The following EYA1 variants were observed in gnomAD, a reference collection of about 807,000 sequenced individuals.
EYA1 encodes the protein protein phosphatase EYA1.
A neutral mutation model predicts 82.0 loss-of-function variants in EYA1; 16 were observed. The observed-to-expected ratio is 0.20, with a 90% CI of 0.13 to 0.30. The LOEUF is 0.30. Among genes scored for constraint, EYA1 ranks in the 10% least tolerant of loss-of-function variants. The pLI is 1.00. For synonymous variants in EYA1, 261 were observed against 264.4 expected, an observed-to-expected ratio of 0.99 and a Z score of 0.12; for missense variants, 633 against 730.7, an observed-to-expected ratio of 0.87 and a Z score of 1.54.
chr8:71,504,334 G>C (rs1455608985), intron 2 of EYA1, among the ~76,000 whole-genome samples: 4 of 152,178 alleles, frequency 2.6e-5, no homozygotes, highest in African/African-American at 9.6e-5. Flanking sequence ...TTATAATCAA[G>C]TGAATTTTAA....
chr8:71,517,592 T>G (rs1813061153), intron 2 of EYA1, among the ~76,000 whole-genome samples: 1 of 151,566 alleles, frequency 6.6e-6, no homozygotes, highest in South Asian at 2.1e-4. Flanking sequence ...TTATTATATA[T>G]AAAGTGAATA....
intron 2 of EYA1, among the ~76,000 whole-genome samples, chr8:71,391,834 T>C (rs1829295848): frequency 1.3e-5 from 2 of 152,170 alleles, no homozygotes; most frequent in Non-Finnish European, 2.9e-5. Flanking sequence ...CTGTTCCTTG[T>C]ATGTAGAGCT....
chr8:71,454,110 G>A (rs1563629917), intron 2 of EYA1, among the ~76,000 whole-genome samples: 1 of 151,970 alleles, frequency 6.6e-6, no homozygotes, highest in Non-Finnish European at 1.5e-5. Context: ...AAAAAAGCAG[G>A]GGTTACAATC....
intron 2 of EYA1, among the ~76,000 whole-genome samples, chr8:71,433,296 C>G (rs370153702): frequency 6.6e-6 from 1 of 152,152 alleles, no homozygotes; most frequent in Non-Finnish European, 1.5e-5. Context: ...AGAACATAAA[C>G]ATTCCAGGAC....
intron 2 of EYA1, among the ~76,000 whole-genome samples, chr8:71,500,716 T>G (rs1423660662): frequency 6.6e-6 from 1 of 152,184 alleles, no homozygotes; most frequent in Non-Finnish European, 1.5e-5. Flanking sequence ...ACCTACATTC[T>G]GCATTTCATT....
At chr8:71,269,691 G>A (rs943276561) in intron 11 of EYA1, 49 bp downstream of exon 11, 20 of 1,274,790 alleles carry the variant, frequency 1.6e-5, no homozygotes, top group Non-Finnish European at 2.2e-5. Context: ...ACAAATTAGA[G>A]GTATATTTAC....
At chr8:71,320,374 A>G (rs944821041) in intron 6 of EYA1, among the ~76,000 whole-genome samples, 2 of 152,220 alleles carry the variant, frequency 1.3e-5, no homozygotes, top group Admixed American at 6.5e-5. Context: ...CCATCTCACA[A>G]ATAAATTTTG....
At chr8:71,291,707 T>A (rs902026906) in intron 9 of EYA1, among the ~76,000 whole-genome samples, 1 of 152,218 alleles carries the variant, frequency 6.6e-6, no homozygotes, top group Non-Finnish European at 1.5e-5. Flanking sequence ...AGTGCTTTTT[T>A]AAGAATTTAG....
intron 1 of EYA1, among the ~76,000 whole-genome samples, chr8:71,545,438 A>G (rs1225099677): frequency 1.3e-5 from 2 of 152,132 alleles, no homozygotes; most frequent in African/African-American, 2.4e-5. Context: ...GATAACAATT[A>G]GTAAATCAAT....
chr8:71,349,782 A>G (rs1234521312), intron 3 of EYA1, among the ~76,000 whole-genome samples: 2 of 152,004 alleles, frequency 1.3e-5, no homozygotes, highest in African/African-American at 2.4e-5. Context: ...TCAAGCCCAG[A>G]CTCTTAGCTA....
chr8:71,231,098 G>C (rs970133129), intron 12 of EYA1, among the ~76,000 whole-genome samples: 1 of 152,188 alleles, frequency 6.6e-6, no homozygotes, highest in African/African-American at 2.4e-5. Context: ...CAGAAACTAA[G>C]AGACTGGCTC....
At chr8:71,533,281 T>TA (rs1455429453) in intron 2 of EYA1, among the ~76,000 whole-genome samples, 1 of 152,168 alleles carries the variant, frequency 6.6e-6, no homozygotes, top group East Asian at 1.9e-4. Flanking sequence ...CATTTTATCT[T>TA]AAAAAACTGT....
At chr8:71,250,549 T>C (rs1813631759) in intron 11 of EYA1, among the ~76,000 whole-genome samples, 2 of 152,252 alleles carry the variant, frequency 1.3e-5, no homozygotes, top group Admixed American at 1.3e-4. Context: ...ATTCAGAGTA[T>C]GGTTTTCTTT....
intron 7 of EYA1, among the ~76,000 whole-genome samples, chr8:71,315,189 C>T (rs1242545027): frequency 6.6e-6 from 1 of 151,884 alleles, no homozygotes; most frequent in Non-Finnish European, 1.5e-5. Context: ...TAATGTACTT[C>T]TAAAAGAAAA....
At chr8:71,446,662 T>A (rs924444311) in intron 2 of EYA1, among the ~76,000 whole-genome samples, 4 of 152,214 alleles carry the variant, frequency 2.6e-5, no homozygotes, top group African/African-American at 9.7e-5. Context: ...ACACTTGGCA[T>A]AAATGTTAAA....
At chr8:71,403,370 T>G (rs1250486084) in intron 2 of EYA1, 2 of 152,206 alleles carry the variant, frequency 1.3e-5, no homozygotes, top group Non-Finnish European at 2.9e-5. Context: ...GGGGCAGTGC[T>G]GAAGAACAGC....
intron 9 of EYA1, among the ~76,000 whole-genome samples, chr8:71,293,635 C>G (rs543078006): frequency 6.6e-6 from 1 of 152,060 alleles, no homozygotes; most frequent in African/African-American, 2.4e-5. Context: ...GCTGGTTCAA[C>G]ATTTGAAAAT....
intron 1 of EYA1, among the ~76,000 whole-genome samples, chr8:71,536,746 A>G (rs1814742334): frequency 6.6e-6 from 1 of 152,218 alleles, no homozygotes; most frequent in Admixed American, 6.5e-5. Flanking sequence ...AACAGAGAAC[A>G]TGTAGTAGTG....
intron 2 of EYA1, among the ~76,000 whole-genome samples, chr8:71,436,745 C>A (rs1293904324): frequency 6.6e-6 from 1 of 151,998 alleles, no homozygotes; most frequent in Non-Finnish European, 1.5e-5. Flanking sequence ...AATCTTTAAA[C>A]AAAATTATTT....
Sources: gnomAD v4.1 joint callset for allele counts (sites outside exome capture counted in the v4.1 genomes callset) on GRCh38, gnomAD v4.1.1 for gene constraint, MANE v1.5 for transcripts, NCBI Gene and HGNC (gene_info 2026-07-23, HGNC 2026-07-21) for gene names.